ZFAND2A: variants seen among roughly 807,000 people sequenced by gnomAD.
ZFAND2A encodes zinc finger AN1-type containing 2A, also known as AN1-type zinc finger protein 2A.
A neutral mutation model predicts 11.6 loss-of-function variants in ZFAND2A; 20 were observed. That is an observed-to-expected ratio of 1.72 (90% CI 1.21 to 2.50). The LOEUF (loss-of-function observed/expected upper bound fraction) is 2.50, where lower values mean the gene tolerates loss of function less well. ZFAND2A is among the 30% of genes most tolerant of loss of function. The probability of loss-of-function intolerance (pLI) is 0.00; values close to 1 mark genes in which losing one functional copy is unlikely to be tolerated. For synonymous variants in ZFAND2A, 93 were observed against 60.6 expected (o/e 1.54, Z -2.48); for missense variants, 234 against 182.9 (o/e 1.28, Z -1.61).
chr7:1,151,761 T>TG (rs76095900), downstream of ZFAND2A, among the ~76,000 whole-genome samples: 1 of 22,778 alleles, frequency 4.4e-5, no homozygotes, highest in African/African-American at 3.0e-4. Context: ...TTCATCCCTT[T>TG]TAAAAAAAAA....
At chr7:1,153,788 A>G (rs749218704) in intron 4 of ZFAND2A, among the ~76,000 whole-genome samples, 1 of 152,162 alleles carries the variant, frequency 6.6e-6, no homozygotes, top group Admixed American at 6.5e-5. Context: ...CCACTAAAAT[A>G]TAAAAGATTA....
chr7:1,152,615 C>T (rs1005361179), downstream of ZFAND2A, among the ~76,000 whole-genome samples: 1 of 152,134 alleles, frequency 6.6e-6, no homozygotes, highest in African/African-American at 2.4e-5. Context: ...TTTCAGAGGT[C>T]ACGACTGTGG....
chr7:1,157,518 C>A, intron 3 of ZFAND2A, 138 bp downstream of exon 3: 2 of 803,136 alleles, frequency 2.5e-6, no homozygotes, highest in East Asian at 2.8e-5. Flanking sequence ...TGAAACGAGG[C>A]TAGTGGGACT....
At chr7:1,155,149 A>G (rs1243777896) in intron 4 of ZFAND2A, among the ~76,000 whole-genome samples, 1 of 151,828 alleles carries the variant, frequency 6.6e-6, no homozygotes, top group Non-Finnish European at 1.5e-5. Context: ...CAAACAAACA[A>G]ATGAAACGCA....
chr7:1,152,970 T>C lies in ZFAND2A; in HGVS notation c.*99A>G, dbSNP rs1460547969. The C allele has an allele frequency of 6.8e-7, 1 of 1,467,730 alleles. No homozygotes were observed. Among genetic ancestry groups the C allele is most frequent in the Non-Finnish European group, 9.4e-7 (1 of 1,062,538 alleles). The allele number at this position is 1,467,730 out of a possible 1,614,324, so 90.9% of individuals were successfully genotyped here. ...CTCAACAAACAAGATCAGCAGCCAGTGTGGGATGGTGCTCAATGGGGCTCC... is the reference window on the plus strand; with the variant it reads ...CTCAACAAACAAGATCAGCAGCCAGCGTGGGATGGTGCTCAATGGGGCTCC... On this transcript the variant is annotated 3_prime_UTR_variant, in exon 5 of 5. Transcript: ENST00000316495.
At position 1,155,473 on chromosome 7, in the gene ZFAND2A, G is replaced by C. The variant is rs766115994; in HGVS notation, c.262C>G (p.Pro88Ala). 1.4e-5 allele frequency: 22 copies of C among 1,613,682 alleles called. No homozygotes were observed. In the South Asian group the frequency reaches 2.2e-4, roughly 16 times the overall value. Residue 88 changes from proline to alanine, a missense_variant, in exon 4 of 5, where the codon CCT becomes GCT. Pro to Ala is a conservative substitution (Grantham distance 27). Coordinates refer to ENST00000316495, the MANE Select transcript of ZFAND2A (RefSeq NM_182491.4). Reference protein sequence around the residue: ...DHIDRDCDSHPGKKKEKIFTY... With the variant: ...DHIDRDCDSHAGKKKEKIFTY... ...CTTACCTTCTCTTTCTTCTTCCCAGGGTGAGAGTCACAGTCTCTGTCAATG... is the reference window on the plus strand; with the variant it reads ...CTTACCTTCTCTTTCTTCTTCCCAGCGTGAGAGTCACAGTCTCTGTCAATG...
At chr7:1,152,465 A>T (rs1563159033), downstream of ZFAND2A, 1 of 1,238,374 alleles carries the variant, frequency 8.1e-7, no homozygotes, top group Non-Finnish European at 1.1e-6. Context: ...AGACACCACC[A>T]GGTGCAACAG....
chr7:1,149,870 T>TG (rs1793366559), downstream of ZFAND2A, among the ~76,000 whole-genome samples: 1 of 142,362 alleles, frequency 7.0e-6, no homozygotes, highest in East Asian at 2.0e-4. Flanking sequence ...TTTTTTTTTT[T>TG]GAGATGGAGT....
At chr7:1,158,356 T>C (rs1446732717) in intron 1 of ZFAND2A, 99 bp from the exon 2 acceptor site, 8 of 750,904 alleles carry the variant, frequency 1.1e-5, no homozygotes, top group Middle Eastern at 2.4e-4. Flanking sequence ...ACAAACGCAC[T>C]GTGTGGGGAG....
In ZFAND2A at chr7:1,155,738, T is replaced by C. The variant is rs7785234; in HGVS notation, c.151-154A>G. Reference sequence around the variant, plus strand: ...CCGAGAACAAAGCATCACTGGGTCATGGATTAGCGGCAGCCATCTCTAGAA... The same window carrying C: ...CCGAGAACAAAGCATCACTGGGTCACGGATTAGCGGCAGCCATCTCTAGAA... On this transcript the variant is annotated intron_variant, in intron 3 of 4. Transcript: ENST00000316495. 9.3e-3 allele frequency: 8,517 copies of C among 914,482 alleles called. 451 individuals carry two copies. In the African/African-American group the frequency reaches 0.12, roughly 13 times the overall value. 56.6% of individuals were successfully genotyped at this position (914,482 alleles called of 1,614,324 possible).
downstream of ZFAND2A, among the ~76,000 whole-genome samples, chr7:1,150,370 GACATCTGGTGGGC>G (rs138493301): frequency 0.027 from 4,126 of 152,142 alleles, 88 homozygotes; most frequent in African/African-American, 0.053. Flanking sequence ...GTCTCAGCGG[GACATCTGGTGGGC>G]ACAGCTGGAT....
downstream of ZFAND2A, among the ~76,000 whole-genome samples, chr7:1,151,203 TAAG>T (rs970411291): frequency 4.6e-5 from 7 of 152,000 alleles, no homozygotes; most frequent in East Asian, 1.9e-4. Context: ...GTGCCTGTTT[TAAG>T]AAGTTGACCG....
downstream of ZFAND2A, chr7:1,152,350 G>A: frequency 6.4e-7 from 1 of 1,559,128 alleles, no homozygotes; most frequent in South Asian, 1.2e-5. Flanking sequence ...AGCACCTACA[G>A]AGAGGGTGGA....
rs1421586134 is a variant in ZFAND2A at position 1,158,240 on chromosome 7, G to A, written c.-28C>T. 1.9e-6 allele frequency: 3 copies of A among 1,611,420 alleles called. No homozygotes were observed. The highest frequency in any genetic ancestry group is 1.7e-5 in the Admixed American group (1 of 59,842). On this transcript the variant is annotated 5_prime_UTR_variant, in exon 2 of 5. Coordinates refer to ENST00000316495, the MANE Select transcript of ZFAND2A (RefSeq NM_182491.4). ...TGAGAACAGTGCTCAAAACGCAGATGGCGGAGTTAAGTGTCACCTACAAGA... is the reference window on the plus strand; with the variant it reads ...TGAGAACAGTGCTCAAAACGCAGATAGCGGAGTTAAGTGTCACCTACAAGA...
chr7:1,151,367 G>A (rs1372777570), downstream of ZFAND2A, among the ~76,000 whole-genome samples: 5 of 149,258 alleles, frequency 3.3e-5, no homozygotes, highest in African/African-American at 1.3e-4. Context: ...CCAGGCAGGT[G>A]GATGTCCTTC....
chr7:1,158,787 T>C (rs1277560868), intron 1 of ZFAND2A, among the ~76,000 whole-genome samples: 1 of 152,152 alleles, frequency 6.6e-6, no homozygotes, highest in Non-Finnish European at 1.5e-5. Flanking sequence ...GTTAAGTCAC[T>C]ATGGAAAACA....
downstream of ZFAND2A, among the ~76,000 whole-genome samples, chr7:1,151,861 G>A (rs1793405200): frequency 6.6e-6 from 1 of 151,778 alleles, no homozygotes; most frequent in African/African-American, 2.4e-5. Context: ...GGGAGTACCT[G>A]AAGGCGGAAG....
intron 4 of ZFAND2A, among the ~76,000 whole-genome samples, chr7:1,154,182 C>CTTTTTTTTTTTTTT: frequency 7.1e-6 from 1 of 139,912 alleles, no homozygotes; most frequent in African/African-American, 2.6e-5. Context: ...ACCCACCGGT[C>CTTTTTTTTTTTTTT]ATTTTTTTTT....
intron 2 of ZFAND2A, 86 bp from the exon 3 acceptor site, chr7:1,157,836 G>A (rs903940847): frequency 1.8e-6 from 2 of 1,082,366 alleles, no homozygotes; most frequent in African/African-American, 3.2e-5. Context: ...CCTACACTAA[G>A]TGTTTTAGGC....
Sources: allele counts gnomAD v4.1 joint callset (sites outside exome capture counted in the v4.1 genomes callset), GRCh38; gene constraint gnomAD v4.1.1; transcripts MANE v1.5; gene names NCBI Gene and HGNC (gene_info 2026-07-23, HGNC 2026-07-21).